The following ODAD2 variants were observed in gnomAD, a reference collection of about 807,000 sequenced individuals.
ODAD2 encodes outer dynein arm docking complex subunit 2, also known as outer dynein arm-docking complex subunit 2.
A neutral mutation model predicts 106.8 loss-of-function variants in ODAD2; 89 were observed. That is an observed-to-expected ratio of 0.83 (90% CI 0.70 to 0.99). The LOEUF is 0.99. Among genes scored for constraint, ODAD2 ranks in the 50% least tolerant of loss-of-function variants. The pLI is 0.00. For synonymous variants in ODAD2, 404 were observed against 436.2 expected, an observed-to-expected ratio of 0.93 and a Z score of 0.92; for missense variants, 1,168 against 1,238.5, an observed-to-expected ratio of 0.94 and a Z score of 0.85.
chr10:27,812,449 G>T lies in ODAD2; in HGVS notation c.*63C>A. ...ACTGTTTCCCAATTTAGGCTTTCTGGCCATGGGAGTGACATGTCCTGTGTC... is the reference window on the plus strand; with the variant it reads ...ACTGTTTCCCAATTTAGGCTTTCTGTCCATGGGAGTGACATGTCCTGTGTC... On this transcript the variant is annotated 3_prime_UTR_variant, in exon 20 of 20. Transcript: ENST00000305242. 1 of 1,508,200 alleles carries T rather than the reference G, an allele frequency of 6.6e-7. No homozygotes were observed. Among genetic ancestry groups the T allele is most frequent in the South Asian group, 1.2e-5 (1 of 80,424 alleles). 93.4% of individuals were successfully genotyped at this position (1,508,200 alleles called of 1,614,324 possible). A position where few individuals can be genotyped will look rare whatever the true frequency, so the allele number is the denominator to read the frequency against.
chr10:27,873,631 AGCAG>A (rs774140910), intron 17 of ODAD2, among the ~76,000 whole-genome samples: 72 of 151,926 alleles, frequency 4.7e-4, no homozygotes, highest in Non-Finnish European at 7.8e-4. Flanking sequence ...GTCATTCAGG[AGCAG>A]GTTGTTCAGT....
Position 27,869,787 on chromosome 10 carries a change from G to A in ODAD2, c.2611-7165C>T, listed in dbSNP as rs558486762. On this transcript the variant is annotated intron_variant, in intron 17 of 19. Coordinates refer to ENST00000305242, the MANE Select transcript of ODAD2 (RefSeq NM_018076.5). ...TGACCTTAAGTGATCCACCTGCCTC[G>A]GCCTCCCAAAGAGCTAGGATTACAG... Among the ~76,000 whole-genome samples the A allele has an allele frequency of 5.3e-5, 8 of 151,936 alleles. No homozygotes were observed. In the East Asian group the frequency reaches 5.8e-4, roughly 11 times the overall value.
At position 27,860,709 on chromosome 10, in the gene ODAD2, C is replaced by A; in HGVS notation, c.2937G>T (p.Val979=). The A allele has an allele frequency of 6.2e-7, 1 of 1,614,160 alleles. No homozygotes were observed. Among genetic ancestry groups the A allele is most frequent in the Non-Finnish European group, 8.5e-7 (1 of 1,180,018 alleles). ...VRYLKSNDTN[V]HRATAQALYQ... is the part of the protein sequence containing the mutation. ...ACAAGGCCTGAGCTGTCGCCCGATGCACGTTGGTGTCATTTGATTTCAGAT... is the reference window on the plus strand; with the variant it reads ...ACAAGGCCTGAGCTGTCGCCCGATGAACGTTGGTGTCATTTGATTTCAGAT... The change falls in exon 19 of 20, where the codon GTG becomes GTT. Residue 979 remains valine (V), a synonymous_variant. Transcript: ENST00000305242.
chr10:27,828,371 G>A (rs1251986727), intron 19 of ODAD2, among the ~76,000 whole-genome samples: 2 of 152,070 alleles, frequency 1.3e-5, no homozygotes, highest in African/African-American at 4.8e-5. Context: ...AGAGGGAATA[G>A]TCAGTGTCAG....
chr10:27,987,582 C>T, intron 2 of ODAD2, 39 bp from the exon 3 acceptor site: 1 of 1,479,860 alleles, frequency 6.8e-7, no homozygotes, highest in Non-Finnish European at 9.2e-7. Context: ...CTTCATGCTA[C>T]CTAGAGGTCA....
intron 17 of ODAD2, among the ~76,000 whole-genome samples, chr10:27,885,130 G>T (rs1589917750): frequency 6.6e-6 from 1 of 151,926 alleles, no homozygotes; most frequent in Non-Finnish European, 1.5e-5. Context: ...ACTGTCTTAA[G>T]TATATTGAAG....
At chr10:27,864,028 T>A (rs529271658) in intron 17 of ODAD2, among the ~76,000 whole-genome samples, 1 of 152,160 alleles carries the variant, frequency 6.6e-6, no homozygotes, top group South Asian at 2.1e-4. Context: ...TATCAATTTT[T>A]TATCTTAGAA....
At chr10:27,892,165 A>G (rs1564473228) in intron 17 of ODAD2, among the ~76,000 whole-genome samples, 2 of 152,188 alleles carry the variant, frequency 1.3e-5, no homozygotes, top group Non-Finnish European at 2.9e-5. Flanking sequence ...AAATTTACAC[A>G]TAACATCACT....
chr10:27,843,926 C>G (rs1838507105), intron 19 of ODAD2, among the ~76,000 whole-genome samples: 2 of 151,866 alleles, frequency 1.3e-5, no homozygotes, highest in South Asian at 4.2e-4. Context: ...TAATTCTGCC[C>G]AACATGCTCA....
intron 18 of ODAD2, 129 bp downstream of exon 18, chr10:27,862,305 C>T: frequency 1.7e-6 from 1 of 578,500 alleles, no homozygotes. Flanking sequence ...TTGACCAAAT[C>T]TCATACCTCA....
intron 16 of ODAD2, among the ~76,000 whole-genome samples, chr10:27,909,716 G>A (rs145015256): frequency 5.4e-4 from 81 of 150,912 alleles, no homozygotes; most frequent in African/African-American, 1.9e-3. Flanking sequence ...TACTCAGGAG[G>A]CTGAGGCAGG....
chr10:27,862,400 A>AC, intron 18 of ODAD2, 34 bp downstream of exon 18: 1 of 1,532,714 alleles, frequency 6.5e-7, no homozygotes, highest in Non-Finnish European at 8.9e-7. Flanking sequence ...TCTCAGGACA[A>AC]TATGCATGTA....
intron 10 of ODAD2, among the ~76,000 whole-genome samples, chr10:27,955,948 T>C (rs1231416242): frequency 6.6e-6 from 1 of 152,096 alleles, no homozygotes; most frequent in Non-Finnish European, 1.5e-5. Flanking sequence ...GATGTCACTC[T>C]GGATTAGAGT....
rs1369231477 is a variant in ODAD2, at chr10:27,983,221, G to C, written c.819+622C>G. On this transcript the variant is annotated intron_variant, in intron 6 of 19. Transcript: ENST00000305242. Reference sequence around the variant, plus strand: ...GAAATATCACTATCAGTCATCCAGTGCTCCATTTTCAAAGGTCCAGGTCCC... The same window carrying C: ...GAAATATCACTATCAGTCATCCAGTCCTCCATTTTCAAAGGTCCAGGTCCC... Among the ~76,000 whole-genome samples, 6 of 152,298 alleles carry C rather than the reference G, an allele frequency of 3.9e-5. No individual in the cohort carries two copies. In the East Asian group the frequency reaches 7.7e-4, roughly 20 times the overall value.
intron 16 of ODAD2, among the ~76,000 whole-genome samples, chr10:27,913,908 T>C (rs1256866467): frequency 6.6e-6 from 1 of 152,222 alleles, no homozygotes; most frequent in African/African-American, 2.4e-5. Context: ...GTTCAGCCAC[T>C]GTGAAAAGCA....
intron 17 of ODAD2, among the ~76,000 whole-genome samples, chr10:27,898,477 T>C (rs1842989029): frequency 6.6e-6 from 1 of 152,192 alleles, no homozygotes; most frequent in Non-Finnish European, 1.5e-5. Flanking sequence ...TGTGGGTGTG[T>C]GTCTTTAACA....
chr10:27,817,740 A>G (rs556702424), intron 19 of ODAD2, among the ~76,000 whole-genome samples: 2 of 152,210 alleles, frequency 1.3e-5, no homozygotes, highest in African/African-American at 4.8e-5. Context: ...TACTCTATGA[A>G]TGGGCACTTA....
chr10:27,979,118 G>A (rs1286737693), intron 7 of ODAD2, among the ~76,000 whole-genome samples: 3 of 151,204 alleles, frequency 2.0e-5, no homozygotes, highest in Admixed American at 1.3e-4. Flanking sequence ...CTTGAGGCAC[G>A]AGAATCACTT....
intron 7 of ODAD2, among the ~76,000 whole-genome samples, chr10:27,977,293 G>A (rs529558434): frequency 5.3e-4 from 80 of 152,062 alleles, no homozygotes; most frequent in African/African-American, 1.9e-3. Flanking sequence ...GGCCGGGCAC[G>A]GTGGCTCACA....
Sources: allele counts gnomAD v4.1 joint callset (sites outside exome capture counted in the v4.1 genomes callset), GRCh38; gene constraint gnomAD v4.1.1; transcripts MANE v1.5; gene names NCBI Gene and HGNC (gene_info 2026-07-23, HGNC 2026-07-21).